The following KLHL29 variants were observed in gnomAD, a reference collection of about 807,000 sequenced individuals.
The protein encoded by KLHL29 is kelch-like protein 29.
In KLHL29, 21 loss-of-function variants were observed where a neutral mutation model predicts 80.4. The ratio of observed to expected loss-of-function variants is 0.26; its 90% CI spans 0.19 to 0.38. KLHL29 has a LOEUF of 0.38. Among genes scored for constraint, KLHL29 ranks in the 10% least tolerant of loss-of-function variants. The pLI is 1.00. For missense variants in KLHL29, 867 were observed against 1,223.9 expected (o/e 0.71, Z 4.35); for synonymous variants, 511 against 526.8 (o/e 0.97, Z 0.41).
intron 3 of KLHL29, among the ~76,000 whole-genome samples, chr2:23,565,203 C>G (rs1667560403): frequency 6.6e-6 from 1 of 152,196 alleles, no homozygotes; most frequent in East Asian, 1.9e-4. Flanking sequence ...AGGCTCTACC[C>G]TCTTAGGGAA....
chr2:23,639,113 C>T (rs1309361564), intron 3 of KLHL29, 26 bp from the exon 4 acceptor site: 2 of 1,512,480 alleles, frequency 1.3e-6, no homozygotes, highest in Non-Finnish European at 1.8e-6. Context: ...CCAGGCTATG[C>T]TCACCTCCTC....
chr2:23,511,472 G>T (rs1456979675), intron 2 of KLHL29, among the ~76,000 whole-genome samples: 1 of 152,196 alleles, frequency 6.6e-6, no homozygotes, highest in Non-Finnish European at 1.5e-5. Flanking sequence ...CATGGAGCGG[G>T]GAGTGTTAGG....
chr2:23,699,927 C>T (rs1252679803), intron 11 of KLHL29, among the ~76,000 whole-genome samples: 2 of 152,232 alleles, frequency 1.3e-5, no homozygotes, highest in African/African-American at 2.4e-5. Context: ...CTTTGGTCAA[C>T]TCTGACTCCT....
At chr2:23,599,687 G>A (rs968936288) in intron 3 of KLHL29, among the ~76,000 whole-genome samples, 13 of 152,152 alleles carry the variant, frequency 8.5e-5, no homozygotes, top group Non-Finnish European at 1.5e-4. Context: ...TATAAATGAA[G>A]ATATTGGCAC....
intron 5 of KLHL29, among the ~76,000 whole-genome samples, chr2:23,678,896 G>A (rs142226013): frequency 0.033 from 5,012 of 152,218 alleles, 102 homozygotes; most frequent in South Asian, 0.09. Context: ...GGTGGTTGCC[G>A]GGGATGAGTG....
intron 1 of KLHL29, among the ~76,000 whole-genome samples, chr2:23,394,579 A>T (rs1405457673): frequency 6.6e-6 from 1 of 152,250 alleles, no homozygotes; most frequent in South Asian, 2.1e-4. Context: ...ACACCTGCCT[A>T]CCTATGGAGA....
intron 1 of KLHL29, among the ~76,000 whole-genome samples, chr2:23,472,137 G>T (rs1664510278): frequency 6.7e-6 from 1 of 148,752 alleles, no homozygotes; most frequent in South Asian, 2.2e-4. Flanking sequence ...TGGGGGTTGG[G>T]TGGGTGGGAA....
At chr2:23,585,143 A>G (rs1299371529) in intron 3 of KLHL29, among the ~76,000 whole-genome samples, 1 of 152,238 alleles carries the variant, frequency 6.6e-6, no homozygotes, top group African/African-American at 2.4e-5. Flanking sequence ...AGTGGGCTGA[A>G]TGAACAGGCT....
intron 3 of KLHL29, among the ~76,000 whole-genome samples, chr2:23,598,612 C>G (rs1018257092): frequency 6.6e-6 from 1 of 152,218 alleles, no homozygotes; most frequent in African/African-American, 2.4e-5. Flanking sequence ...ATCACAAGTT[C>G]ACAAGCACAG....
chr2:23,599,311 T>C (rs1337962706), intron 3 of KLHL29, among the ~76,000 whole-genome samples: 1 of 152,050 alleles, frequency 6.6e-6, no homozygotes, highest in African/African-American at 2.4e-5. Flanking sequence ...CCCTTACAAG[T>C]TGGTGTAGAA....
At chr2:23,581,395 A>T (rs1667976719) in intron 3 of KLHL29, among the ~76,000 whole-genome samples, 1 of 152,310 alleles carries the variant, frequency 6.6e-6, no homozygotes, top group Admixed American at 6.5e-5. Flanking sequence ...GTTGAGGATG[A>T]ACCTCTGGGA....
chr2:23,605,604 T>C (rs997443029), intron 3 of KLHL29, among the ~76,000 whole-genome samples: 1 of 152,136 alleles, frequency 6.6e-6, no homozygotes, highest in Non-Finnish European at 1.5e-5. Flanking sequence ...TTTCAGAACA[T>C]GTAACTCCTT....
At chr2:23,412,122 A>AGGGGGGGGGGGGGGGGGGGGGGGG (rs33951812) in intron 1 of KLHL29, among the ~76,000 whole-genome samples, 1 of 118,624 alleles carries the variant, frequency 8.4e-6, no homozygotes, top group Non-Finnish European at 1.8e-5. Context: ...GTGTGCGTGA[A>AGGGGGGGGGGGGGGGGGGGGGGGG]GGGGGGGGGG....
intron 3 of KLHL29, among the ~76,000 whole-genome samples, chr2:23,574,298 C>T (rs1230381357): frequency 6.6e-6 from 1 of 152,070 alleles, no homozygotes; most frequent in Non-Finnish European, 1.5e-5. Context: ...TGAAAAGCAC[C>T]CTAGGCTGGA....
chr2:23,593,130 G>C (rs1226314684), intron 3 of KLHL29, among the ~76,000 whole-genome samples: 1 of 152,184 alleles, frequency 6.6e-6, no homozygotes, highest in Admixed American at 6.5e-5. Context: ...CCAGCTCCCG[G>C]GAGTCCTTGG....
intron 2 of KLHL29, among the ~76,000 whole-genome samples, chr2:23,525,599 C>T (rs1666279304): frequency 6.6e-6 from 1 of 152,146 alleles, no homozygotes; most frequent in Admixed American, 6.5e-5. Context: ...GATGCAGGAG[C>T]AAGGCCCAGA....
intron 2 of KLHL29, among the ~76,000 whole-genome samples, chr2:23,493,361 A>T (rs145793186): frequency 3.0e-4 from 45 of 152,232 alleles, no homozygotes; most frequent in Admixed American, 2.4e-3. Flanking sequence ...TTCATTTTTT[A>T]AAAAATCGGC....
intron 5 of KLHL29, among the ~76,000 whole-genome samples, chr2:23,660,878 A>C (rs548450494): frequency 6.6e-6 from 1 of 152,162 alleles, no homozygotes; most frequent in Admixed American, 6.5e-5. Context: ...ATACAAAAAA[A>C]AAGTCAGCCA....
intron 1 of KLHL29, among the ~76,000 whole-genome samples, chr2:23,440,228 A>C (rs1382718724): frequency 6.6e-6 from 1 of 152,190 alleles, no homozygotes; most frequent in African/African-American, 2.4e-5. Context: ...GCAATGGGGA[A>C]AGGATTCCCT....
Sources: allele counts gnomAD v4.1 joint callset (sites outside exome capture counted in the v4.1 genomes callset), GRCh38; gene constraint gnomAD v4.1.1; transcripts MANE v1.5; gene names NCBI Gene and HGNC (gene_info 2026-07-23, HGNC 2026-07-21).